Variants in MCU observed in about 807,000 individuals in gnomAD.
The protein encoded by MCU is calcium uniporter protein, mitochondrial.
In MCU, 12 loss-of-function variants were observed where a neutral mutation model predicts 45.2. The observed-to-expected ratio is 0.27, with a 90% CI of 0.17 to 0.43. The LOEUF (loss-of-function observed/expected upper bound fraction) is 0.43. MCU is among the 20% of genes least tolerant of loss of function. The pLI is 1.00. For synonymous variants in MCU, 160 were observed against 165.1 expected (o/e 0.97, Z 0.24); for missense variants, 324 against 436.7 (o/e 0.74, Z 2.30).
At chr10:72,838,034 T>TC (rs1844981449) in intron 2 of MCU, among the ~76,000 whole-genome samples, 1 of 151,754 alleles carries the variant, frequency 6.6e-6, no homozygotes, top group African/African-American at 2.4e-5. Context: ...TTTTTTTTTT[T>TC]GTATATTTAG....
At chr10:72,695,892 G>A (rs994867813) in intron 1 of MCU, among the ~76,000 whole-genome samples, 15 of 151,472 alleles carry the variant, frequency 9.9e-5, no homozygotes, top group African/African-American at 3.6e-4. Context: ...GGCTGGGTGC[G>A]GTGGCTCACA....
chr10:72,866,053 A>G (rs925094359), intron 4 of MCU, among the ~76,000 whole-genome samples: 6 of 152,188 alleles, frequency 3.9e-5, no homozygotes, highest in African/African-American at 1.4e-4. Context: ...CTGGGATTAC[A>G]GGTGTGAGCC....
intron 1 of MCU, among the ~76,000 whole-genome samples, chr10:72,814,980 C>T (rs1844603609): frequency 6.6e-6 from 1 of 151,982 alleles, no homozygotes. Context: ...TCAGAAATAA[C>T]AACAAAGAGT....
chr10:72,760,232 G>A (rs1158660035), intron 1 of MCU, among the ~76,000 whole-genome samples: 1 of 151,834 alleles, frequency 6.6e-6, no homozygotes, highest in Non-Finnish European at 1.5e-5. Flanking sequence ...TTTATTTTTG[G>A]TGGAGACAAT....
At chr10:72,692,533 T>A (rs1842636019) in intron 1 of MCU, 2 of 1,053,050 alleles carry the variant, frequency 1.9e-6, no homozygotes, top group Non-Finnish European at 1.2e-6. Context: ...GGCGGGGATG[T>A]TCCCGCAGGA....
intron 1 of MCU, among the ~76,000 whole-genome samples, chr10:72,741,648 TTGA>T (rs1257575648): frequency 6.6e-6 from 1 of 152,164 alleles, no homozygotes; most frequent in Non-Finnish European, 1.5e-5. Context: ...TGCTGCCAAG[TTGA>T]TGATGGCTTG....
intron 1 of MCU, chr10:72,760,815 G>A (rs372495511): frequency 6.8e-6 from 1 of 146,206 alleles, no homozygotes; most frequent in African/African-American, 2.6e-5. Flanking sequence ...GCCTCTCAAA[G>A]TGCTGCGATT....
chr10:72,751,018 G>C (rs1450275634), intron 1 of MCU, among the ~76,000 whole-genome samples: 1 of 151,632 alleles, frequency 6.6e-6, no homozygotes, highest in Non-Finnish European at 1.5e-5. Context: ...TTATTTTTTT[G>C]GAGACAGAGT....
At chr10:72,865,775 GT>G (rs557281847) in intron 4 of MCU, among the ~76,000 whole-genome samples, 21 of 123,634 alleles carry the variant, frequency 1.7e-4, no homozygotes, top group Non-Finnish European at 1.9e-4. Context: ...TTTTTTTTTT[GT>G]TTTTTTTTTT....
At chr10:72,772,651 C>T (rs1240285310) in intron 1 of MCU, among the ~76,000 whole-genome samples, 2 of 152,160 alleles carry the variant, frequency 1.3e-5, no homozygotes, top group South Asian at 2.1e-4. Flanking sequence ...GAGCTGAGAT[C>T]GTGCCACTGC....
At position 72,801,395 on chromosome 10, in the gene MCU, G is replaced by A. The variant is rs569771290; in HGVS notation, c.151-32964G>A. Among the ~76,000 whole-genome samples the A allele has an allele frequency of 8.6e-5, 12 of 138,832 alleles. 1 individual carries two copies. In the South Asian group the frequency reaches 2.5e-3, roughly 29 times the overall value. 91.1% of individuals were successfully genotyped at this position (138,832 alleles called of 152,430 possible). On this transcript the variant is annotated intron_variant, in intron 1 of 7. Coordinates refer to ENST00000373053, the MANE Select transcript of MCU (RefSeq NM_138357.3). ...TTGCTGAAAGTATTTTTTAAAGTTA[G>A]TAATTGGTTCTGTTGATTTTATAGG... is the stretch of plus-strand genomic sequence containing the variant.
intron 1 of MCU, among the ~76,000 whole-genome samples, chr10:72,789,884 A>G (rs1844132035): frequency 6.6e-6 from 1 of 152,174 alleles, no homozygotes; most frequent in African/African-American, 2.4e-5. Flanking sequence ...ACTTCAAGCC[A>G]TTTAAATCAC....
At chr10:72,762,279 A>G (rs1015481783) in intron 1 of MCU, among the ~76,000 whole-genome samples, 1 of 152,248 alleles carries the variant, frequency 6.6e-6, no homozygotes, top group African/African-American at 2.4e-5. Flanking sequence ...GAAATCTACC[A>G]GACATTCAAA....
At chr10:72,709,146 G>A (rs1842858976) in intron 1 of MCU, among the ~76,000 whole-genome samples, 1 of 152,084 alleles carries the variant, frequency 6.6e-6, no homozygotes, top group African/African-American at 2.4e-5. Flanking sequence ...GATTCTTTCT[G>A]TATATATATA....
At chr10:72,856,280 T>C (rs1845289327) in intron 2 of MCU, among the ~76,000 whole-genome samples, 1 of 152,220 alleles carries the variant, frequency 6.6e-6, no homozygotes, top group African/African-American at 2.4e-5. Context: ...TTTGGGGGAA[T>C]CATAGAAATG....
At chr10:72,751,558 G>C (rs1843499500) in intron 1 of MCU, among the ~76,000 whole-genome samples, 1 of 151,614 alleles carries the variant, frequency 6.6e-6, no homozygotes, top group Non-Finnish European at 1.5e-5. Flanking sequence ...GTTTCACCAT[G>C]TTGGCCAGGC....
At chr10:72,821,180 G>A (rs1844706488) in intron 1 of MCU, among the ~76,000 whole-genome samples, 1 of 151,590 alleles carries the variant, frequency 6.6e-6, no homozygotes, top group East Asian at 1.9e-4. Flanking sequence ...AAACTACAAC[G>A]GGAACAAAGA....
At chr10:72,731,920 A>G (rs914730118) in intron 1 of MCU, among the ~76,000 whole-genome samples, 2 of 152,232 alleles carry the variant, frequency 1.3e-5, no homozygotes, top group Admixed American at 6.5e-5. Context: ...GGTTGGACAA[A>G]TATTTGGACA....
chr10:72,760,121 C>A (rs79858959), intron 1 of MCU, among the ~76,000 whole-genome samples: 1 of 151,870 alleles, frequency 6.6e-6, no homozygotes, highest in Non-Finnish European at 1.5e-5. Flanking sequence ...CACAGCTCAC[C>A]GTAGCCTCGA....
Sources: gnomAD v4.1 joint callset for allele counts (sites outside exome capture counted in the v4.1 genomes callset) on GRCh38, gnomAD v4.1.1 for gene constraint, MANE v1.5 for transcripts, NCBI Gene and HGNC (gene_info 2026-07-23, HGNC 2026-07-21) for gene names.